HEATR1: variants seen among roughly 807,000 people sequenced by gnomAD.
HEATR1 encodes HEAT repeat containing 1, also known as HEAT repeat-containing protein 1.
A neutral mutation model predicts 248.2 loss-of-function variants in HEATR1; 77 were observed. That is an observed-to-expected ratio of 0.31 (90% CI 0.26 to 0.37). The LOEUF (loss-of-function observed/expected upper bound fraction) is 0.37. Ranked by LOEUF, HEATR1 falls within the 10% of genes least tolerant of loss-of-function variation. The pLI is 1.00. For missense variants in HEATR1, 2,420 were observed against 2,504.9 expected, an observed-to-expected ratio of 0.97 and a Z score of 0.72; for synonymous variants, 897 against 923.1, an observed-to-expected ratio of 0.97 and a Z score of 0.51.
In HEATR1 at chr1:236,566,692, T is replaced by C; in HGVS notation, c.4262A>G (p.Glu1421Gly). The C allele has an allele frequency of 6.2e-7, 1 of 1,614,054 alleles. No individual in the cohort carries two copies. Among genetic ancestry groups the C allele is most frequent in the African/African-American group, 1.3e-5 (1 of 75,014 alleles). The change falls in exon 30 of 45, where the codon GAA becomes GGA. Residue 1421 changes from glutamate (E) to glycine (G), a missense_variant. By Grantham distance (98) the Glu-to-Gly change is moderately conservative (BLOSUM62 -2). Coordinates refer to ENST00000366582, the MANE Select transcript of HEATR1 (RefSeq NM_018072.6). ...FLWILLILLF[E>G]QYVTKTVLAA... ...CAGCACTGTTTTTGTGACATACTGTTCAAAAAGCAAGATGAGGAGAATCCA... is the reference window on the plus strand; with the variant it reads ...CAGCACTGTTTTTGTGACATACTGTCCAAAAAGCAAGATGAGGAGAATCCA...
At chr1:236,561,672 C>CA (rs1663137623) in intron 32 of HEATR1, among the ~76,000 whole-genome samples, 1 of 152,300 alleles carries the variant, frequency 6.6e-6, no homozygotes, top group East Asian at 1.9e-4. Context: ...GCCCCACAAA[C>CA]AAAACCATCA....
intron 2 of HEATR1, among the ~76,000 whole-genome samples, chr1:236,603,680 T>A (rs1056957885): frequency 2.7e-5 from 4 of 150,208 alleles, no homozygotes. Flanking sequence ...ACTGCCTCCA[T>A]CCCCCTTTTA....
intron 28 of HEATR1, among the ~76,000 whole-genome samples, chr1:236,570,123 C>T (rs1663384634): frequency 1.3e-5 from 2 of 152,190 alleles, no homozygotes; most frequent in Middle Eastern, 3.4e-3. Flanking sequence ...CCCGTCTCTA[C>T]TAAAAATACA....
chr1:236,553,858 A>T, intron 42 of HEATR1, 119 bp from the exon 43 acceptor site: 5 of 1,086,070 alleles, frequency 4.6e-6, no homozygotes, highest in Non-Finnish European at 6.5e-6. Flanking sequence ...TTCAAAAACC[A>T]GGCATTATTC....
At chr1:236,569,203 C>T in intron 28 of HEATR1, 79 bp from the exon 29 acceptor site, 1 of 1,145,546 alleles carries the variant, frequency 8.7e-7, no homozygotes, top group Non-Finnish European at 1.2e-6. Flanking sequence ...TAGCGTCTCG[C>T]TCCGTCATTC....
At chr1:236,600,122 T>TA in intron 3 of HEATR1, among the ~76,000 whole-genome samples, 1 of 105,558 alleles carries the variant, frequency 9.5e-6, no homozygotes, top group Non-Finnish European at 2.0e-5. Flanking sequence ...GTCAACATTT[T>TA]TTTTTTTTTT....
intron 14 of HEATR1, 117 bp from the exon 15 acceptor site, chr1:236,586,569 A>G: frequency 1.5e-6 from 1 of 656,626 alleles, no homozygotes; most frequent in Non-Finnish European, 2.7e-6. Flanking sequence ...CCTGACCAAA[A>G]CTATTATTCA....
intron 20 of HEATR1, among the ~76,000 whole-genome samples, chr1:236,579,347 A>G (rs934581704): frequency 2.6e-5 from 4 of 152,260 alleles, no homozygotes; most frequent in Non-Finnish European, 5.9e-5. Flanking sequence ...GGAAAACTGA[A>G]GTTCTTCCAT....
rs377413962 is a variant in HEATR1 at position 236,601,354 on chromosome 1, C to T, written c.360-1730G>A. On this transcript the variant is annotated intron_variant, in intron 3 of 44. Coordinates refer to ENST00000366582, the MANE Select transcript of HEATR1 (RefSeq NM_018072.6). ...ATCTGTCTCCTGGATTCAAGCAATT[C>T]TCCTGCCTCAGCCTCCCAAGTAGCT... Among the ~76,000 whole-genome samples, 11 of 151,854 alleles carry T rather than the reference C, an allele frequency of 7.2e-5. No homozygotes were observed. The East Asian group carries it at 2.1e-3, about 29-fold the overall frequency.
At chr1:236,589,369 C>G (rs1311648282) in intron 12 of HEATR1, among the ~76,000 whole-genome samples, 5 of 152,224 alleles carry the variant, frequency 3.3e-5, no homozygotes, top group Admixed American at 6.5e-5. Flanking sequence ...CAACATTTCT[C>G]AAACCTGAAT....
In HEATR1 at chr1:236,574,632, T is replaced by C. The variant is rs532289744; in HGVS notation, c.3327+29A>G. The C allele has an allele frequency of 2.5e-6, 4 of 1,600,994 alleles. No homozygotes were observed. The African/African-American group carries it at 5.4e-5, about 22-fold the overall frequency. The stretch of plus-strand genomic sequence containing the variant: ...TACCTTTAAATGCTTGAACATGCTA[T>C]GCCTTAGTTTCTGAAAGAAATCACT... On this transcript the variant is annotated intron_variant, in intron 23 of 44. Coordinates refer to ENST00000366582, the MANE Select transcript of HEATR1 (RefSeq NM_018072.6).
Position 236,549,707 on chromosome 1 carries a change from A to G in HEATR1, c.*1195T>C, listed in dbSNP as rs1436013125. The stretch of plus-strand genomic sequence containing the variant: ...ATCCCCCAGAGTTATTTTTCTCCAT[A>G]AAGACCATCAGAGTGCTTAACTGAG... On this transcript the variant is annotated 3_prime_UTR_variant, in exon 45 of 45. Transcript: ENST00000366582. The G allele has an allele frequency of 6.6e-6, 1 of 152,148 alleles. No homozygotes were observed. Among genetic ancestry groups the G allele is most frequent in the African/African-American group, 2.4e-5 (1 of 41,418 alleles). 9.4% of individuals were successfully genotyped at this position (152,148 alleles called of 1,614,324 possible).
At chr1:236,601,236 C>A (rs1664315490) in intron 3 of HEATR1, among the ~76,000 whole-genome samples, 1 of 151,390 alleles carries the variant, frequency 6.6e-6, no homozygotes, top group Non-Finnish European at 1.5e-5. Flanking sequence ...TTAGTTTATC[C>A]CCACGTCTCC....
chr1:236,568,016 T>C (rs2853604), intron 29 of HEATR1, among the ~76,000 whole-genome samples: 104,363 of 152,176 alleles, frequency 0.69, 36,085 homozygotes, highest in Non-Finnish European at 0.72. Flanking sequence ...AATAAACCAA[T>C]GTCTACCTGT....
At chr1:236,558,599 A>G in intron 35 of HEATR1, 70 bp from the exon 36 acceptor site, 1 of 1,454,166 alleles carries the variant, frequency 6.9e-7, no homozygotes, top group Non-Finnish European at 9.4e-7. Flanking sequence ...TCCCATTGTC[A>G]CAGCTTGAGA....
intron 12 of HEATR1, 52 bp downstream of exon 12, chr1:236,590,795 A>G: frequency 2.2e-6 from 2 of 889,674 alleles, no homozygotes; most frequent in African/African-American, 1.7e-5. Context: ...TCAGAATTAC[A>G]CTGCTCATCA....
chr1:236,568,816 A>G (rs373113232), intron 29 of HEATR1, among the ~76,000 whole-genome samples, 180 bp downstream of exon 29: 1 of 150,884 alleles, frequency 6.6e-6, no homozygotes. Context: ...CTTAGCTTCA[A>G]TGTTCTAAAA....
chr1:236,565,775 G>T, intron 31 of HEATR1, 144 bp downstream of exon 31: 2 of 773,836 alleles, frequency 2.6e-6, no homozygotes, highest in Non-Finnish European at 4.0e-6. Context: ...TTTCCATAAG[G>T]ATTCAAGAAA....
At chr1:236,551,143 G>T in intron 44 of HEATR1, 153 bp from the exon 45 acceptor site, 1 of 615,044 alleles carries the variant, frequency 1.6e-6, no homozygotes, top group Non-Finnish European at 2.8e-6. Flanking sequence ...AGGCGCCACG[G>T]ACCGCCTCCC....
Sources: allele counts gnomAD v4.1 joint callset (sites outside exome capture counted in the v4.1 genomes callset), GRCh38; gene constraint gnomAD v4.1.1; transcripts MANE v1.5; gene names NCBI Gene and HGNC (gene_info 2026-07-23, HGNC 2026-07-21).